The following DMD variants were observed in gnomAD, a reference collection of about 807,000 sequenced individuals.
The protein encoded by DMD is dystrophin, also known as mutant dystrophin.
In DMD, 63 loss-of-function variants were observed where a neutral mutation model predicts 330.1. The ratio of observed to expected loss-of-function variants is 0.19; its 90% CI spans 0.16 to 0.24. The LOEUF is 0.24. DMD is among the 10% of genes least tolerant of loss of function. The pLI, the probability that DMD is intolerant of heterozygous loss-of-function variation, is 1.00. For synonymous variants in DMD, 1,223 were observed against 959.8 expected (o/e 1.27, Z -5.07); for missense variants, 3,344 against 2,684.1 (o/e 1.25, Z -5.43).
chrX:31,968,929 C>A (rs770682882), intron 44 of DMD, among the ~76,000 whole-genome samples: 1 of 109,382 alleles, frequency 9.1e-6, no homozygotes, highest in African/African-American at 3.3e-5. Context: ...ATCGTGGATA[C>A]GAGAGGTGAA....
chrX:32,123,241 A>G (rs1230180827), intron 44 of DMD, among the ~76,000 whole-genome samples: 2 of 88,045 alleles, frequency 2.3e-5, no homozygotes, highest in Non-Finnish European at 4.4e-5. Flanking sequence ...ATATATATAT[A>G]TAAATGATCA....
chrX:31,967,993 C>T (rs1317436187), intron 45 of DMD, among the ~76,000 whole-genome samples: 1 of 111,283 alleles, frequency 9.0e-6, no homozygotes, highest in Non-Finnish European at 1.9e-5. Flanking sequence ...TCCTACAAAA[C>T]AATCATTTAT....
At chrX:32,662,120 C>A (rs1302857049) in intron 9 of DMD, among the ~76,000 whole-genome samples, 1 of 111,524 alleles carries the variant, frequency 9.0e-6, no homozygotes, top group African/African-American at 3.3e-5. Flanking sequence ...GTGGAATCAG[C>A]TACCATATTC....
At chrX:32,292,842 C>A (rs1467285991) in intron 42 of DMD, among the ~76,000 whole-genome samples, 2 of 112,208 alleles carry the variant, frequency 1.8e-5, no homozygotes, top group Non-Finnish European at 3.8e-5. Context: ...GCAGGTGAGA[C>A]TACAGATAAT....
At chrX:31,939,150 A>G (rs2094960003) in intron 45 of DMD, among the ~76,000 whole-genome samples, 2 of 112,047 alleles carry the variant, frequency 1.8e-5, no homozygotes, top group Non-Finnish European at 3.8e-5. Context: ...AAAACAAAAC[A>G]TTGATTTCTA....
intron 1 of DMD, among the ~76,000 whole-genome samples, chrX:33,300,524 CT>C (rs2053646865): frequency 9.0e-6 from 1 of 111,687 alleles, no homozygotes; most frequent in African/African-American, 3.3e-5. Flanking sequence ...TTGTTTGTGT[CT>C]TCTCAAACTT....
chrX:32,069,558 C>T (rs759451183), intron 44 of DMD, among the ~76,000 whole-genome samples: 7 of 111,698 alleles, frequency 6.3e-5, no homozygotes, highest in Non-Finnish European at 1.3e-4. Flanking sequence ...GTTTTGAATG[C>T]TTTTCTATAA....
intron 44 of DMD, among the ~76,000 whole-genome samples, chrX:32,014,067 A>G (rs1055234296): frequency 4.5e-5 from 5 of 112,192 alleles, no homozygotes; most frequent in Non-Finnish European, 9.4e-5. Context: ...AAAAGTTCTG[A>G]TATTTCAGAA....
chrX:32,728,975 C>T (rs769398041), intron 7 of DMD, among the ~76,000 whole-genome samples: 3 of 111,978 alleles, frequency 2.7e-5, no homozygotes, highest in East Asian at 5.6e-4. Context: ...CCAACTACCA[C>T]AAAAGGTGCT....
chrX:32,642,793 G>A (rs1469363746), intron 11 of DMD, among the ~76,000 whole-genome samples: 2 of 111,280 alleles, frequency 1.8e-5, no homozygotes, highest in Admixed American at 1.9e-4. Context: ...AAAAATGAGA[G>A]CATTTAGCCT....
chrX:32,036,956 G>A (rs2095952880), intron 44 of DMD, among the ~76,000 whole-genome samples: 1 of 111,506 alleles, frequency 9.0e-6, no homozygotes, highest in Admixed American at 9.6e-5. Flanking sequence ...TTAGCAACAT[G>A]AGGACCATCA....
At chrX:32,707,069 G>T (rs769687362) in intron 7 of DMD, among the ~76,000 whole-genome samples, 1 of 109,202 alleles carries the variant, frequency 9.2e-6, no homozygotes, top group East Asian at 2.8e-4. Context: ...TCCAGCCTGG[G>T]AAACAGAGCA....
intron 50 of DMD, among the ~76,000 whole-genome samples, chrX:31,778,951 G>C (rs191159319): frequency 9.0e-6 from 1 of 111,484 alleles, no homozygotes; most frequent in African/African-American, 3.3e-5. Context: ...CACATATGCG[G>C]TTCTTTCTTT....
At chrX:32,251,050 G>T (rs1035367896) in intron 43 of DMD, among the ~76,000 whole-genome samples, 1 of 109,905 alleles carries the variant, frequency 9.1e-6, no homozygotes, top group South Asian at 4.0e-4. Flanking sequence ...GGGGGTGGGG[G>T]GCTAGGGTAG....
At chrX:31,178,010 A>G in intron 70 of DMD, 40 bp from the exon 71 acceptor site, 10 of 1,169,908 alleles carry the variant, frequency 8.5e-6, no homozygotes, top group Non-Finnish European at 1.2e-5. Flanking sequence ...AGACACACGC[A>G]AACTCAGCCG....
intron 2 of DMD, among the ~76,000 whole-genome samples, chrX:32,923,366 G>A (rs1042465864): frequency 4.3e-4 from 47 of 110,262 alleles, no homozygotes; most frequent in African/African-American, 1.5e-3. Flanking sequence ...TTCGAGACCA[G>A]CCTGGCCATT....
intron 44 of DMD, among the ~76,000 whole-genome samples, chrX:32,165,030 G>A (rs2096863141): frequency 8.9e-6 from 1 of 112,566 alleles, no homozygotes; most frequent in African/African-American, 3.2e-5. Context: ...ACTCCTGGAT[G>A]TCCAGGCAGA....
At chrX:31,951,436 T>C (rs1225913888) in intron 45 of DMD, among the ~76,000 whole-genome samples, 1 of 108,407 alleles carries the variant, frequency 9.2e-6, no homozygotes, top group East Asian at 2.9e-4. Context: ...TATTGTATTT[T>C]TTCACATCTT....
intron 52 of DMD, among the ~76,000 whole-genome samples, chrX:31,691,569 A>G (rs1338908407): frequency 8.9e-6 from 1 of 112,098 alleles, no homozygotes; most frequent in African/African-American, 3.2e-5. Context: ...CTTAAAGGAC[A>G]TGCATAGACT....
Sources: gnomAD v4.1 joint callset for allele counts (sites outside exome capture counted in the v4.1 genomes callset) on GRCh38, gnomAD v4.1.1 for gene constraint, MANE v1.5 for transcripts, NCBI Gene and HGNC (gene_info 2026-07-23, HGNC 2026-07-21) for gene names.